The following MAML2 variants were observed in gnomAD, a reference collection of about 807,000 sequenced individuals.
MAML2 encodes mastermind like transcriptional coactivator 2, also known as mastermind-like protein 2.
MAML2 carries 22 observed loss-of-function variants against 96.1 expected under a neutral mutation model. That is an observed-to-expected ratio of 0.23 (90% CI 0.16 to 0.33). The LOEUF (loss-of-function observed/expected upper bound fraction) is 0.33. Ranked by LOEUF, MAML2 falls within the 10% of genes least tolerant of loss-of-function variation. The probability of loss-of-function intolerance (pLI) is 1.00; values close to 1 mark genes in which losing one functional copy is unlikely to be tolerated. For missense variants in MAML2, 1,367 were observed against 1,392.4 expected (o/e 0.98, Z 0.29); for synonymous variants, 561 against 521.3 (o/e 1.08, Z -1.04).
At chr11:95,992,607 T>G (rs1207878191) in intron 2 of MAML2, among the ~76,000 whole-genome samples, 1 of 152,218 alleles carries the variant, frequency 6.6e-6, no homozygotes. Context: ...TTAGAGAATT[T>G]ATCACCCAAG....
chr11:96,131,379 A>G (rs1054941572), intron 1 of MAML2, among the ~76,000 whole-genome samples: 1 of 152,350 alleles, frequency 6.6e-6, no homozygotes, highest in Admixed American at 6.5e-5. Flanking sequence ...AACTAGACAT[A>G]AGATAAACAA....
chr11:95,997,454 A>T (rs954368741), intron 2 of MAML2, among the ~76,000 whole-genome samples: 1 of 152,164 alleles, frequency 6.6e-6, no homozygotes, highest in Non-Finnish European at 1.5e-5. Flanking sequence ...ACATGTTTGT[A>T]TTCTTTTTAT....
intron 1 of MAML2, among the ~76,000 whole-genome samples, chr11:96,328,825 G>A (rs892099462): frequency 1.3e-5 from 2 of 152,018 alleles, no homozygotes; most frequent in Non-Finnish European, 2.9e-5. Flanking sequence ...GGGTTTTAGC[G>A]ATAAGAAAAA....
chr11:96,299,055 AAAAAAATATAT>A lies in MAML2; in HGVS notation c.513+42317_513+42327del, dbSNP rs1227768199. Among the ~76,000 whole-genome samples, 4 of 94,706 alleles carry A rather than the reference AAAAAAATATAT, an allele frequency of 4.2e-5. No individual in the cohort carries two copies. The South Asian group carries it at 1.5e-3, about 35-fold the overall frequency. The allele number at this position is 94,706 out of a possible 152,430, so 62.1% of individuals were successfully genotyped here. ...GCGAGAGTCCATCTCAAAAAAAAAA[AAAAAAATATAT>A]ATATATATATATATAAAATTTCACC... On this transcript the variant is annotated intron_variant, in intron 1 of 4. Coordinates refer to ENST00000524717, the MANE Select transcript of MAML2 (RefSeq NM_032427.4).
chr11:96,009,460 G>A (rs1490338667), intron 2 of MAML2, among the ~76,000 whole-genome samples: 1 of 152,098 alleles, frequency 6.6e-6, no homozygotes, highest in Non-Finnish European at 1.5e-5. Flanking sequence ...TATAGGGAAA[G>A]CACTAAAGAT....
chr11:96,111,125 A>C (rs376186507), intron 1 of MAML2, among the ~76,000 whole-genome samples: 1 of 152,228 alleles, frequency 6.6e-6, no homozygotes. Context: ...CTCTGCATCA[A>C]TTGAGACCAT....
At chr11:96,164,689 T>C (rs1425795587) in intron 1 of MAML2, among the ~76,000 whole-genome samples, 1 of 152,192 alleles carries the variant, frequency 6.6e-6, no homozygotes, top group East Asian at 1.9e-4. Context: ...AAAACCACCC[T>C]ATCGTGATCT....
At chr11:96,143,924 A>G (rs188422080) in intron 1 of MAML2, among the ~76,000 whole-genome samples, 7 of 152,358 alleles carry the variant, frequency 4.6e-5, no homozygotes, top group African/African-American at 1.7e-4. Context: ...CACTACCATA[A>G]TTACACATTT....
intron 2 of MAML2, among the ~76,000 whole-genome samples, chr11:96,002,670 GA>G (rs58309166): frequency 1 from 142,334 of 142,702 alleles, 70,985 homozygotes; most frequent in Middle Eastern, 1. Context: ...GGATGATGAA[GA>G]ATAATGATGG....
At chr11:96,055,074 T>G (rs994032676) in intron 2 of MAML2, among the ~76,000 whole-genome samples, 3 of 152,110 alleles carry the variant, frequency 2.0e-5, no homozygotes, top group African/African-American at 7.2e-5. Flanking sequence ...TCTCCTAACT[T>G]CCATTTACAT....
At chr11:96,329,221 A>G (rs1299187777) in intron 1 of MAML2, among the ~76,000 whole-genome samples, 1 of 152,190 alleles carries the variant, frequency 6.6e-6, no homozygotes, top group East Asian at 1.9e-4. Flanking sequence ...AATAAATTTA[A>G]TGAATCAAAC....
At chr11:96,054,328 C>A (rs1189062295) in intron 2 of MAML2, among the ~76,000 whole-genome samples, 2 of 152,128 alleles carry the variant, frequency 1.3e-5, no homozygotes, top group Non-Finnish European at 2.9e-5. Context: ...GTAAAATTCA[C>A]TGAGTGATAT....
intron 1 of MAML2, among the ~76,000 whole-genome samples, chr11:96,129,467 T>C (rs2135854364): frequency 6.6e-6 from 1 of 152,256 alleles, no homozygotes; most frequent in Non-Finnish European, 1.5e-5. Context: ...TCTAGATCAT[T>C]ACTTTATACC....
chr11:96,031,616 T>C (rs914166312), intron 2 of MAML2, among the ~76,000 whole-genome samples: 4 of 152,186 alleles, frequency 2.6e-5, no homozygotes, highest in African/African-American at 9.7e-5. Flanking sequence ...TTTTTTTGCA[T>C]GCCCCCAGTG....
At chr11:96,222,189 G>C (rs967762013) in intron 1 of MAML2, among the ~76,000 whole-genome samples, 3 of 152,158 alleles carry the variant, frequency 2.0e-5, no homozygotes, top group African/African-American at 7.2e-5. Flanking sequence ...GCTTACAAAT[G>C]CTGCTCAGGG....
At chr11:96,250,877 GA>G (rs1287784641) in intron 1 of MAML2, among the ~76,000 whole-genome samples, 2 of 152,156 alleles carry the variant, frequency 1.3e-5, no homozygotes, top group African/African-American at 4.8e-5. Flanking sequence ...GCAAAAAGAG[GA>G]TTTCTCCATC....
At chr11:96,089,566 C>T (rs914543008) in intron 2 of MAML2, among the ~76,000 whole-genome samples, 1 of 152,198 alleles carries the variant, frequency 6.6e-6, no homozygotes, top group Admixed American at 6.5e-5. Flanking sequence ...AGAGAAAATT[C>T]TATAGCTGTA....
intron 2 of MAML2, among the ~76,000 whole-genome samples, chr11:96,019,509 G>A (rs1858403469): frequency 6.6e-6 from 1 of 152,030 alleles, no homozygotes; most frequent in East Asian, 1.9e-4. Flanking sequence ...AATACAGTTA[G>A]AGCCATAATA....
At chr11:96,118,717 C>A (rs1288260245) in intron 1 of MAML2, among the ~76,000 whole-genome samples, 1 of 152,008 alleles carries the variant, frequency 6.6e-6, no homozygotes, top group African/African-American at 2.4e-5. Flanking sequence ...TGATTTAGGT[C>A]TTGAAGGGAG....
Sources: gnomAD v4.1 joint callset for allele counts (sites outside exome capture counted in the v4.1 genomes callset) on GRCh38, gnomAD v4.1.1 for gene constraint, MANE v1.5 for transcripts, NCBI Gene and HGNC (gene_info 2026-07-23, HGNC 2026-07-21) for gene names.